ADAMTSL1: variants seen among roughly 807,000 people sequenced by gnomAD.
ADAMTSL1 encodes ADAMTS like 1, also known as ADAMTS-like protein 1.
ADAMTSL1 carries 126 observed loss-of-function variants against 201.8 expected under a neutral mutation model. The observed-to-expected ratio is 0.62, with a 90% CI of 0.54 to 0.72. The LOEUF (loss-of-function observed/expected upper bound fraction) is 0.72. ADAMTSL1 is among the 30% of genes least tolerant of loss of function. The probability of loss-of-function intolerance (pLI) is 0.00; values close to 1 mark genes in which losing one functional copy is unlikely to be tolerated. For synonymous variants in ADAMTSL1, 1,121 were observed against 903.4 expected, an observed-to-expected ratio of 1.24 and a Z score of -4.32; for missense variants, 2,679 against 2,277.8, an observed-to-expected ratio of 1.18 and a Z score of -3.59.
intron 2 of ADAMTSL1, among the ~76,000 whole-genome samples, chr9:18,361,346 T>C (rs1431470470): frequency 6.6e-6 from 1 of 152,214 alleles, no homozygotes; most frequent in African/African-American, 2.4e-5. Context: ...TTGATGTATT[T>C]CTTTTTAGTG....
At chr9:18,885,547 A>G (rs1469322925) in intron 23 of ADAMTSL1, among the ~76,000 whole-genome samples, 5 of 152,202 alleles carry the variant, frequency 3.3e-5, no homozygotes, top group African/African-American at 1.2e-4. Context: ...AAGAGGGGGA[A>G]GTATAACCGC....
chr9:18,535,791 C>T (rs532151047), intron 3 of ADAMTSL1, among the ~76,000 whole-genome samples: 2 of 152,148 alleles, frequency 1.3e-5, no homozygotes, highest in South Asian at 4.2e-4. Context: ...AGGGAGAAGC[C>T]CCTTATAAAA....
intron 2 of ADAMTSL1, among the ~76,000 whole-genome samples, chr9:18,281,699 C>T (rs1563855570): frequency 6.6e-6 from 1 of 152,150 alleles, no homozygotes; most frequent in South Asian, 2.1e-4. Context: ...GTTCCGGGAC[C>T]ATTGTTTGTG....
intron 23 of ADAMTSL1, among the ~76,000 whole-genome samples, chr9:18,848,356 G>C (rs191978996): frequency 6.6e-6 from 1 of 152,274 alleles, no homozygotes; most frequent in East Asian, 1.9e-4. Context: ...TATAATAGAA[G>C]CTGGAATGGA....
chr9:18,251,518 A>G (rs556738431), intron 2 of ADAMTSL1, among the ~76,000 whole-genome samples: 3 of 152,362 alleles, frequency 2.0e-5, no homozygotes, highest in East Asian at 1.9e-4. Context: ...AGTATTATAA[A>G]TGCTTATCCT....
chr9:17,979,945 G>A lies in ADAMTSL1; in HGVS notation c.87+73023G>A, dbSNP rs554426720. Among the ~76,000 whole-genome samples, 13 of 152,166 alleles carry A rather than the reference G, an allele frequency of 8.5e-5. No individual in the cohort carries two copies. In the East Asian group the frequency reaches 2.3e-3, roughly 27 times the overall value. The stretch of plus-strand genomic sequence containing the variant: ...CAGAAGGACAGGAGCTTAGAACTGA[G>A]GGGGCTAACATGAAGCTTGGAACCG... On this transcript the variant is annotated intron_variant, in intron 1 of 29. Transcript: ENST00000680146.
chr9:18,274,135 A>C (rs941648530), intron 2 of ADAMTSL1, among the ~76,000 whole-genome samples: 5 of 152,264 alleles, frequency 3.3e-5, no homozygotes, highest in African/African-American at 1.2e-4. Context: ...AAAAGCAAGA[A>C]GTGTGAGTTC....
chr9:18,745,500 A>G (rs1819088572), intron 15 of ADAMTSL1, among the ~76,000 whole-genome samples: 2 of 152,036 alleles, frequency 1.3e-5, no homozygotes, highest in South Asian at 4.1e-4. Context: ...TTATTCTCCC[A>G]ATTCCTGCCC....
chr9:18,308,349 A>C (rs1833987618), intron 2 of ADAMTSL1, among the ~76,000 whole-genome samples: 1 of 152,184 alleles, frequency 6.6e-6, no homozygotes, highest in African/African-American at 2.4e-5. Context: ...AGATCAGAGC[A>C]GAATTGAAGG....
At chr9:18,659,384 C>T (rs1227099072) in intron 8 of ADAMTSL1, among the ~76,000 whole-genome samples, 1 of 152,214 alleles carries the variant, frequency 6.6e-6, no homozygotes, top group East Asian at 1.9e-4. Context: ...AGTACTTTTA[C>T]TCAGTTGATA....
At chr9:18,545,604 A>T (rs775811468) in intron 3 of ADAMTSL1, among the ~76,000 whole-genome samples, 1 of 152,192 alleles carries the variant, frequency 6.6e-6, no homozygotes, top group Non-Finnish European at 1.5e-5. Flanking sequence ...CCTTGCTGAA[A>T]ACATCTCTAA....
chr9:18,896,773 T>C (rs1441289223), intron 26 of ADAMTSL1, among the ~76,000 whole-genome samples: 2 of 152,192 alleles, frequency 1.3e-5, no homozygotes, highest in Admixed American at 1.3e-4. Context: ...GGCCTTGGGT[T>C]TGACACACAG....
At chr9:18,497,364 T>C (rs1822583619) in intron 1 of ADAMTSL1, among the ~76,000 whole-genome samples, 1 of 148,380 alleles carries the variant, frequency 6.7e-6, no homozygotes, top group African/African-American at 2.4e-5. Context: ...ATTACCAGCT[T>C]CAGGCTTCTA....
chr9:18,614,628 A>T (rs1300821433), intron 4 of ADAMTSL1, among the ~76,000 whole-genome samples: 3 of 151,928 alleles, frequency 2.0e-5, no homozygotes, highest in African/African-American at 7.3e-5. Flanking sequence ...AGTTATACTG[A>T]TCTTACTCCC....
At chr9:18,097,472 A>C (rs1398376165) in intron 1 of ADAMTSL1, among the ~76,000 whole-genome samples, 1 of 152,206 alleles carries the variant, frequency 6.6e-6, no homozygotes, top group East Asian at 1.9e-4. Flanking sequence ...CCGTATATTT[A>C]ATTTTATAAG....
chr9:18,431,236 A>T (rs1369222695), intron 2 of ADAMTSL1, among the ~76,000 whole-genome samples: 1 of 152,196 alleles, frequency 6.6e-6, no homozygotes, highest in African/African-American at 2.4e-5. Context: ...ACTTGTTGAG[A>T]TGTTGAATTC....
At chr9:18,108,134 C>G (rs1824842519) in intron 1 of ADAMTSL1, among the ~76,000 whole-genome samples, 1 of 150,650 alleles carries the variant, frequency 6.6e-6, no homozygotes. Flanking sequence ...GCCCAAGAAT[C>G]TTAAAATTGA....
At chr9:18,190,594 G>C (rs180930291) in intron 2 of ADAMTSL1, among the ~76,000 whole-genome samples, 15 of 152,212 alleles carry the variant, frequency 9.9e-5, no homozygotes, top group Non-Finnish European at 1.9e-4. Flanking sequence ...TTGATTTCTC[G>C]CACTGAGTCT....
At chr9:18,447,379 A>C (rs1820231924) in intron 2 of ADAMTSL1, among the ~76,000 whole-genome samples, 1 of 152,128 alleles carries the variant, frequency 6.6e-6, no homozygotes, top group South Asian at 2.1e-4. Flanking sequence ...GAAAGGGGAA[A>C]GTGTTCAGTG....
Sources: gnomAD v4.1 joint callset for allele counts (sites outside exome capture counted in the v4.1 genomes callset) on GRCh38, gnomAD v4.1.1 for gene constraint, MANE v1.5 for transcripts, NCBI Gene and HGNC (gene_info 2026-07-23, HGNC 2026-07-21) for gene names.